EFEMP1: variants seen among roughly 807,000 people sequenced by gnomAD.
EFEMP1 encodes EGF-like fibulin extracellular matrix protein 1, also known as EGF-containing fibulin-like extracellular matrix protein 1.
Under a neutral mutation model 65.7 loss-of-function variants are expected in EFEMP1, and 18 were observed. The observed-to-expected ratio is 0.27, with a 90% confidence interval of 0.19 to 0.41. The LOEUF (loss-of-function observed/expected upper bound fraction) is 0.41, where lower values mean the gene tolerates loss of function less well. EFEMP1 is among the 10% of genes least tolerant of loss of function. The pLI, the probability that EFEMP1 is intolerant of heterozygous loss-of-function variation, is 1.00. For missense variants in EFEMP1, 469 were observed against 624.8 expected (o/e 0.75, Z 2.66); for synonymous variants, 237 against 219.7 (o/e 1.08, Z -0.70).
In EFEMP1 at chr2:55,886,475, T is replaced by A. The variant is rs915308990; in HGVS notation, c.518-4741A>T. ...CAAGTTGGTGATACTTCTTGATCTG[T>A]GTGGATTTAAAACCTTATTATACCT... On this transcript the variant is annotated intron_variant, in intron 5 of 11. Coordinates refer to ENST00000355426, the MANE Select transcript of EFEMP1 (RefSeq NM_001039348.3). This position sits in a 1 kb window ranked among gnomAD's most constrained non-coding sequence, Gnocchi z 4.0. Among the ~76,000 whole-genome samples, 2 of 152,218 alleles carry A rather than the reference T, an allele frequency of 1.3e-5. No individual in the cohort carries two copies. The highest frequency in any genetic ancestry group is 3.8e-4 in the East Asian group (2 of 5,206).
rs1364679559 is a variant in EFEMP1, at chr2:55,881,749, C to T, written c.518-15G>A. 3.7e-6 allele frequency: 6 copies of T among 1,613,754 alleles called. No homozygotes were observed. Among genetic ancestry groups the T allele is most frequent in the Admixed American group, 3.3e-5 (2 of 59,986 alleles). ...CTCGTCTATGTCTGTCAGAGACATG[C>T]AACACAGAAAGAATTGTCAGTTGTG... On this transcript the variant is annotated splice_polypyrimidine_tract_variant and intron_variant, in intron 5 of 11. Transcript: ENST00000355426.
chr2:55,881,884 T>C, intron 5 of EFEMP1, 150 bp from the exon 6 acceptor site: 5 of 1,091,268 alleles, frequency 4.6e-6, no homozygotes, highest in Non-Finnish European at 6.7e-6. Context: ...ATAAATTATT[T>C]CAAGTGTTCA....
At chr2:55,878,375 A>G (rs1195753064) in intron 6 of EFEMP1, among the ~76,000 whole-genome samples, 2 of 152,152 alleles carry the variant, frequency 1.3e-5, no homozygotes, top group Admixed American at 6.6e-5. Context: ...TATCAAATAA[A>G]AGAACACTGT....
chr2:55,906,041 G>C (rs1670252729), intron 5 of EFEMP1, among the ~76,000 whole-genome samples: 1 of 151,990 alleles, frequency 6.6e-6, no homozygotes, highest in Non-Finnish European at 1.5e-5. Flanking sequence ...TTTTTTGAAT[G>C]AGCTGTTCAC....
intron 5 of EFEMP1, among the ~76,000 whole-genome samples, chr2:55,904,934 G>A (rs1670184781): frequency 7.1e-6 from 1 of 141,496 alleles, no homozygotes; most frequent in Non-Finnish European, 1.5e-5. Flanking sequence ...CTGTGACAGA[G>A]AAATTATTTC....
At chr2:55,920,371 T>C (rs1670871538) in intron 3 of EFEMP1, among the ~76,000 whole-genome samples, 1 of 152,270 alleles carries the variant, frequency 6.6e-6, no homozygotes, top group African/African-American at 2.4e-5. Flanking sequence ...TTCAACACTG[T>C]CTTCCCAGGC....
chr2:55,895,571 T>A (rs1267663181), intron 5 of EFEMP1, among the ~76,000 whole-genome samples: 1 of 142,430 alleles, frequency 7.0e-6, no homozygotes, highest in East Asian at 2.0e-4. Context: ...TGAGACGGAG[T>A]CTCGCTGTCG....
chr2:55,869,513 C>T (rs1164609385), intron 11 of EFEMP1, among the ~76,000 whole-genome samples: 2 of 151,900 alleles, frequency 1.3e-5, no homozygotes, highest in African/African-American at 2.4e-5. Flanking sequence ...AGAAGTTGGT[C>T]ATGAGAAATT....
At chr2:55,916,241 T>G (rs72811717) in intron 5 of EFEMP1, among the ~76,000 whole-genome samples, 1 of 152,010 alleles carries the variant, frequency 6.6e-6, no homozygotes, top group Admixed American at 6.6e-5. Context: ...TCTCTAGTAT[T>G]TGAGACTACA....
rs1012346779 is a variant in EFEMP1 at position 55,896,437 on chromosome 2, C to G, written c.518-14703G>C. Among the ~76,000 whole-genome samples the G allele has an allele frequency of 1.2e-4, 18 of 152,264 alleles. 1 individual carries two copies. Among genetic ancestry groups the G allele is most frequent in the African/African-American group, 4.3e-4 (18 of 41,554 alleles). The stretch of plus-strand genomic sequence containing the variant: ...CAGTTATATTCTATGTGGAGAAAAA[C>G]TAGAAATGGCCTGAAACGATGCATT... On this transcript the variant is annotated intron_variant, in intron 5 of 11. Coordinates refer to ENST00000355426, the MANE Select transcript of EFEMP1 (RefSeq NM_001039348.3).
chr2:55,867,064 TAGAAA>T lies in EFEMP1; in HGVS notation c.*4_*8del, dbSNP rs1200651446. On this transcript the variant is annotated 3_prime_UTR_variant, in exon 12 of 12. Transcript: ENST00000355426. This position sits in a 1 kb window ranked among gnomAD's most constrained non-coding sequence, Gnocchi z 4.3. Reference sequence around the variant, plus strand: ...GACTTAAATGCCTGTGGTTGACTCTTAGAAAAGACTAAAATGAAAATGGCCCCACT... The same window carrying T: ...GACTTAAATGCCTGTGGTTGACTCTTAGACTAAAATGAAAATGGCCCCACT... 1 of 1,611,950 alleles carries T rather than the reference TAGAAA, an allele frequency of 6.2e-7. No homozygotes were observed. Among genetic ancestry groups the T allele is most frequent in the Non-Finnish European group, 8.5e-7 (1 of 1,179,718 alleles).
Position 55,895,686 on chromosome 2 carries a change from C to T in EFEMP1, c.518-13952G>A, listed in dbSNP as rs533823256. Among the ~76,000 whole-genome samples, 9 of 151,856 alleles carry T rather than the reference C, an allele frequency of 5.9e-5. No individual in the cohort carries two copies. In the South Asian group the frequency reaches 1.9e-3, roughly 32 times the overall value. ...CCTCCGGAGTAGCTGGGACTACAGG[C>T]GCCCGCCACCTCGCCCGGCTAATTT... On this transcript the variant is annotated intron_variant, in intron 5 of 11. Transcript: ENST00000355426.
chr2:55,879,688 G>A (rs1669168211), intron 6 of EFEMP1, among the ~76,000 whole-genome samples: 2 of 151,118 alleles, frequency 1.3e-5, no homozygotes, highest in Admixed American at 6.6e-5. Flanking sequence ...GGAGTGTATG[G>A]GACACAGGGA....
chr2:55,895,544 CTTTT>C (rs11439731), intron 5 of EFEMP1, among the ~76,000 whole-genome samples: 3 of 138,538 alleles, frequency 2.2e-5, no homozygotes, highest in Admixed American at 7.2e-5. Flanking sequence ...CACAAATTAT[CTTTT>C]TTTTTTTTTT....
At chr2:55,875,335 T>TACACACAC (rs768780443) in intron 8 of EFEMP1, among the ~76,000 whole-genome samples, 14 of 125,398 alleles carry the variant, frequency 1.1e-4, no homozygotes, top group Non-Finnish European at 2.2e-4. Context: ...GTTTCATATA[T>TACACACAC]ACACACACAC....
At chr2:55,887,667 CAGT>C (rs1396005799) in intron 5 of EFEMP1, among the ~76,000 whole-genome samples, 1 of 152,274 alleles carries the variant, frequency 6.6e-6, no homozygotes, top group East Asian at 1.9e-4. Flanking sequence ...CGATGGCCAG[CAGT>C]AGATTTATAG....
Position 55,918,055 on chromosome 2 carries a change from T to G in EFEMP1, c.131-4A>C. 1 of 1,614,196 alleles carries G rather than the reference T, an allele frequency of 6.2e-7. No individual in the cohort carries two copies. The highest frequency in any genetic ancestry group is 8.5e-7 in the Non-Finnish European group (1 of 1,180,038). On this transcript the variant is annotated splice_polypyrimidine_tract_variant and splice_region_variant and intron_variant, in intron 4 of 11. Transcript: ENST00000355426. ...ACAATGTCACATTCATCAATATCTG[T>G]GGTCAGTAATAAAATAAGTCAGGAA...
rs1321558301 is a variant in EFEMP1, at chr2:55,870,422, T to C, written c.1320+298A>G. Reference sequence around the variant, plus strand: ...GTATTTTCGTGGTCACACACAACTCTATCAGAGTCTGCCAAACTTAATATT... The same window carrying C: ...GTATTTTCGTGGTCACACACAACTCCATCAGAGTCTGCCAAACTTAATATT... On this transcript the variant is annotated intron_variant, in intron 11 of 11. Transcript: ENST00000355426. This position sits in a 1 kb window ranked among gnomAD's most constrained non-coding sequence, Gnocchi z 5.8. Among the ~76,000 whole-genome samples the C allele has an allele frequency of 6.6e-6, 1 of 152,114 alleles. No homozygotes were observed. The highest frequency in any genetic ancestry group is 1.5e-5 in the Non-Finnish European group (1 of 68,010).
intron 5 of EFEMP1, among the ~76,000 whole-genome samples, chr2:55,916,199 T>A (rs930197126): frequency 6.8e-6 from 1 of 147,076 alleles, no homozygotes; most frequent in Non-Finnish European, 1.5e-5. Flanking sequence ...AACCTTCACC[T>A]CCCAGGTTCA....
Sources: gnomAD v4.1 joint callset for allele counts (sites outside exome capture counted in the v4.1 genomes callset) on GRCh38, gnomAD v4.1.1 for gene constraint, Gnocchi (gnomAD v3.1) non-coding constraint, MANE v1.5 for transcripts, NCBI Gene and HGNC (gene_info 2026-07-23, HGNC 2026-07-21) for gene names.